DCTN4: variants seen among roughly 807,000 people sequenced by gnomAD.
DCTN4 encodes dynactin subunit 4.
DCTN4 carries 23 observed loss-of-function variants against 62.7 expected under a neutral mutation model. The ratio of observed to expected loss-of-function variants is 0.37; its 90% confidence interval spans 0.26 to 0.52. DCTN4 has a LOEUF of 0.52. DCTN4 is among the 20% of genes least tolerant of loss of function. DCTN4 has a pLI of 0.92. For missense variants in DCTN4, 514 were observed against 580.4 expected, an observed-to-expected ratio of 0.89 and a Z score of 1.18; for synonymous variants, 199 against 202.1, an observed-to-expected ratio of 0.98 and a Z score of 0.13.
chr5:150,756,231 T>C (rs1412198462), intron 2 of DCTN4, among the ~76,000 whole-genome samples, 186 bp downstream of exon 2: 1 of 151,970 alleles, frequency 6.6e-6, no homozygotes, highest in Admixed American at 6.6e-5. Flanking sequence ...TTAGTAGAGA[T>C]GGGGTTTCGC....
chr5:150,758,266 A>AT (rs1752935281), intron 1 of DCTN4: 2 of 985,462 alleles, frequency 2.0e-6, no homozygotes, highest in South Asian at 9.4e-5. Flanking sequence ...GAAGGACAGC[A>AT]TTGTCCTCTA....
In DCTN4 at chr5:150,733,387, T is replaced by C. The variant is rs368627732; in HGVS notation, c.518A>G (p.Tyr173Cys). 22 of 1,613,644 alleles carry C rather than the reference T, an allele frequency of 1.4e-5. No homozygotes were observed. The African/African-American group carries it at 1.9e-4, about 14-fold the overall frequency. Residue 173 changes from tyrosine (Y) to cysteine (C), a missense_variant, in exon 5 of 13, where the codon TAT becomes TGT. Coordinates refer to ENST00000447998, the MANE Select transcript of DCTN4 (RefSeq NM_016221.4). ...TCTCACCGAAAAAGCCAGAGGCATATAGTTTCTACGTCGTGCCAGTTTCTT... is the reference window on the plus strand; with the variant it reads ...TCTCACCGAAAAAGCCAGAGGCATACAGTTTCTACGTCGTGCCAGTTTCTT... ...DRKKLARRRN[Y>C]MPLAFSDKYG...
intron 9 of DCTN4, among the ~76,000 whole-genome samples, chr5:150,722,627 A>G (rs1479337027): frequency 1.3e-5 from 2 of 152,214 alleles, no homozygotes; most frequent in Non-Finnish European, 2.9e-5. Flanking sequence ...ATAATTTGTA[A>G]TGATGACTAG....
chr5:150,728,623 CT>C (rs907971552), intron 8 of DCTN4, among the ~76,000 whole-genome samples: 16 of 151,846 alleles, frequency 1.1e-4, no homozygotes, highest in African/African-American at 3.4e-4. Context: ...TAAATTGAAT[CT>C]TTTTTTTAAA....
In DCTN4 at chr5:150,714,559, G is replaced by C. The variant is rs371870129; in HGVS notation, c.1169+1006C>G. ...ACCTGGCTATTTTTAAAATTTTTTT[G>C]TAGAGACGGAGTCTTAACTCTATTC... On this transcript the variant is annotated intron_variant, in intron 12 of 12. Coordinates refer to ENST00000447998, the MANE Select transcript of DCTN4 (RefSeq NM_016221.4). 2.9e-5 allele frequency among the ~76,000 whole-genome samples: 4 copies of C among 137,584 alleles called. No individual in the cohort carries two copies. The East Asian group carries it at 8.2e-4, about 28-fold the overall frequency. 90.3% of individuals were successfully genotyped at this position (137,584 alleles called of 152,430 possible). A position where few individuals can be genotyped will look rare whatever the true frequency, so the allele number is the denominator to read the frequency against.
chr5:150,712,650 A>G (rs78901192), intron 12 of DCTN4, among the ~76,000 whole-genome samples: 3 of 152,366 alleles, frequency 2.0e-5, no homozygotes, highest in Non-Finnish European at 4.4e-5. Flanking sequence ...AACACCATAA[A>G]TCAAGAATGT....
chr5:150,753,725 A>G (rs943026079), intron 2 of DCTN4, 68 bp from the exon 3 acceptor site: 7 of 1,488,312 alleles, frequency 4.7e-6, no homozygotes, highest in East Asian at 2.3e-5. Context: ...GAGAACAAAT[A>G]TAAGGACAAG....
chr5:150,723,575 C>T (rs1760030112), intron 8 of DCTN4, among the ~76,000 whole-genome samples: 1 of 152,244 alleles, frequency 6.6e-6, no homozygotes, highest in Admixed American at 6.5e-5. Flanking sequence ...CTCAAGTAAT[C>T]TTCCTGCCTT....
rs563181912 is a variant in DCTN4, at chr5:150,742,282, TATA to T, written c.386-128_386-126del. The T allele has an allele frequency of 1.2e-3, 1,087 of 913,304 alleles. 10 individuals are homozygous for T. The highest frequency in any genetic ancestry group is 4.2e-3 in the South Asian group (304 of 71,674). The allele number at this position is 913,304 out of a possible 1,614,324, so 56.6% of individuals were successfully genotyped here. A position where few individuals can be genotyped will look rare whatever the true frequency, so the allele number is the denominator to read the frequency against. On this transcript the variant is annotated intron_variant, in intron 3 of 12. Transcript: ENST00000447998. ...AAGTTATATAGACCATTCTGGTCTATATAACTATAGACTATAATGTTCAGAACA... is the reference window on the plus strand; with the variant it reads ...AAGTTATATAGACCATTCTGGTCTATACTATAGACTATAATGTTCAGAACA...
chr5:150,756,640 T>TG (rs1752875378), intron 1 of DCTN4, among the ~76,000 whole-genome samples, 153 bp from the exon 2 acceptor site: 2 of 68 alleles, frequency 0.029, no homozygotes, highest in African/African-American at 0.11. Context: ...CAGTCACCTG[T>TG]TTTTTTTTTT....
intron 3 of DCTN4, among the ~76,000 whole-genome samples, chr5:150,747,526 C>G (rs1554121122): frequency 6.6e-6 from 1 of 152,244 alleles, no homozygotes; most frequent in Non-Finnish European, 1.5e-5. Context: ...ATCACACTAA[C>G]TGACTTCAAA....
Position 150,719,782 on chromosome 5 carries a change from TA to T in DCTN4, c.909-13del, listed in dbSNP as rs113851365. ...CTGGAATATAATTGCTGTGCATAAA[TA>T]AAAAAATGCATTAATGTTCATTGGA... On this transcript the variant is annotated splice_polypyrimidine_tract_variant and intron_variant, in intron 9 of 12. Coordinates refer to ENST00000447998, the MANE Select transcript of DCTN4 (RefSeq NM_016221.4). The T allele has an allele frequency of 7.0e-6, 11 of 1,580,912 alleles. No individual in the cohort carries two copies. The highest frequency in any genetic ancestry group is 1.7e-4 in the Middle Eastern group (1 of 5,980).
chr5:150,737,670 A>G (rs1397100694), intron 4 of DCTN4, among the ~76,000 whole-genome samples: 2 of 152,160 alleles, frequency 1.3e-5, no homozygotes, highest in South Asian at 4.1e-4. Context: ...AAAAAGTCTA[A>G]AAGAGTACAG....
intron 8 of DCTN4, among the ~76,000 whole-genome samples, chr5:150,725,472 T>C (rs1760109531): frequency 6.6e-6 from 1 of 152,052 alleles, no homozygotes; most frequent in African/African-American, 2.4e-5. Context: ...GTATTTTGGT[T>C]TCTTAATTTA....
chr5:150,754,800 CA>C, intron 2 of DCTN4, among the ~76,000 whole-genome samples: 1 of 152,010 alleles, frequency 6.6e-6, no homozygotes, highest in Non-Finnish European at 1.5e-5. Context: ...CCTATCTCTC[CA>C]AAAAAATACA....
intron 8 of DCTN4, among the ~76,000 whole-genome samples, chr5:150,724,986 T>C (rs1210667039): frequency 6.6e-6 from 1 of 151,894 alleles, no homozygotes; most frequent in East Asian, 1.9e-4. Flanking sequence ...TGAAACCCCA[T>C]CTCTACTAAA....
intron 3 of DCTN4, among the ~76,000 whole-genome samples, chr5:150,748,141 C>G (rs1199770823): frequency 1.3e-5 from 2 of 152,206 alleles, no homozygotes; most frequent in African/African-American, 4.8e-5. Context: ...TCAACAGACA[C>G]TTCTCAAAAG....
chr5:150,711,820 T>C (rs1446153007), intron 12 of DCTN4, among the ~76,000 whole-genome samples: 3 of 152,184 alleles, frequency 2.0e-5, no homozygotes, highest in Middle Eastern at 6.8e-3. Context: ...ACGTTGGCCA[T>C]ATATTTTTCT....
intron 8 of DCTN4, among the ~76,000 whole-genome samples, chr5:150,727,824 A>AT (rs1179397129): frequency 3.4e-5 from 5 of 148,782 alleles, no homozygotes; most frequent in South Asian, 2.1e-4. Context: ...CTTCCTGATG[A>AT]TTTTTTTGTA....
Sources: gnomAD v4.1 joint callset for allele counts (sites outside exome capture counted in the v4.1 genomes callset) on GRCh38, gnomAD v4.1.1 for gene constraint, MANE v1.5 for transcripts, NCBI Gene and HGNC (gene_info 2026-07-23, HGNC 2026-07-21) for gene names.